Variants in REXO2 observed in about 807,000 individuals in gnomAD.
REXO2 encodes RNA exonuclease 2, also known as oligoribonuclease, mitochondrial.
A neutral mutation model predicts 30.9 loss-of-function variants in REXO2; 17 were observed. The ratio of observed to expected loss-of-function variants is 0.55; its 90% CI spans 0.38 to 0.82. The LOEUF (loss-of-function observed/expected upper bound fraction) is 0.82, where lower values mean the gene tolerates loss of function less well. Among genes scored for constraint, REXO2 ranks in the 40% least tolerant of loss-of-function variants. The probability of loss-of-function intolerance (pLI) is 0.00; values close to 1 mark genes in which losing one functional copy is unlikely to be tolerated. For missense variants in REXO2, 253 were observed against 293.2 expected (o/e 0.86, Z 1.00); for synonymous variants, 105 against 99.6 (o/e 1.05, Z -0.32).
chr11:114,450,027 GT>G lies in REXO2; in HGVS notation c.*61del, dbSNP rs200991055. ...CGTTATCTGGAGGCAACTTCTGGTGGTTTTTTTTTCTCACGCTGATGGCTTG... is the reference window on the plus strand; with the variant it reads ...CGTTATCTGGAGGCAACTTCTGGTGGTTTTTTTTCTCACGCTGATGGCTTG... On this transcript the variant is annotated 3_prime_UTR_variant, in exon 7 of 7. Transcript: ENST00000265881. 23 of 1,509,434 alleles carry G rather than the reference GT, an allele frequency of 1.5e-5. No individual in the cohort carries two copies. The highest frequency in any genetic ancestry group is 1.5e-4 in the East Asian group (6 of 40,628). The allele number at this position is 1,509,434 out of a possible 1,614,324, so 93.5% of individuals were successfully genotyped here.
At chr11:114,444,324 A>G (rs1269828806) in intron 3 of REXO2, 3 of 634,354 alleles carry the variant, frequency 4.7e-6, no homozygotes, top group Non-Finnish European at 5.7e-6. Context: ...GACTGTGGAC[A>G]TGCTATTAAC....
intron 2 of REXO2, chr11:114,441,741 G>A: frequency 1.4e-6 from 1 of 702,276 alleles, no homozygotes. Context: ...GTTTTGCTGT[G>A]TAGGTAAAAG....
chr11:114,449,815 A>G (rs1350265283), intron 6 of REXO2, 31 bp from the exon 7 acceptor site: 2 of 1,585,122 alleles, frequency 1.3e-6, no homozygotes, highest in East Asian at 2.3e-5. Flanking sequence ...GGTTTTGGAC[A>G]GTTCATTCAT....
intron 5 of REXO2, among the ~76,000 whole-genome samples, chr11:114,446,964 A>G (rs1232006354): frequency 9.7e-4 from 106 of 108,762 alleles, no homozygotes; most frequent in Non-Finnish European, 1.3e-3. Flanking sequence ...TTTGAGACGG[A>G]GTCTCGTTCT....
intron 3 of REXO2, chr11:114,444,222 C>G: frequency 1.6e-6 from 1 of 609,424 alleles, no homozygotes; most frequent in South Asian, 1.5e-5. Flanking sequence ...GGTTAGACAT[C>G]AACTTTCAGA....
At chr11:114,444,212 G>A (rs986754004) in intron 3 of REXO2, 33 of 609,708 alleles carry the variant, frequency 5.4e-5, no homozygotes, top group African/African-American at 4.9e-4. Flanking sequence ...TTTTGGATAA[G>A]GTTAGACATC....
At chr11:114,444,430 C>T in intron 3 of REXO2, 111 bp from the exon 4 acceptor site, 1 of 756,176 alleles carries the variant, frequency 1.3e-6, no homozygotes. Flanking sequence ...TAAAAATGGT[C>T]TATTTGTGGT....
At chr11:114,442,470 G>A (rs927740918) in intron 2 of REXO2, among the ~76,000 whole-genome samples, 4 of 151,380 alleles carry the variant, frequency 2.6e-5, no homozygotes, top group African/African-American at 9.7e-5. Context: ...TTGTTTCTTC[G>A]CAGAGATTAC....
At chr11:114,449,555 T>C (rs1946532431) in intron 6 of REXO2, among the ~76,000 whole-genome samples, 1 of 152,162 alleles carries the variant, frequency 6.6e-6, no homozygotes, top group African/African-American at 2.4e-5. Context: ...TCTAAACTTA[T>C]TTGACCGTGG....
rs1946501494 is a variant in REXO2, at chr11:114,444,644, C to T, written c.413C>T (p.Pro138Leu). Residue 138 changes from proline (P) to leucine (L), a missense_variant, in exon 4 of 7, where the codon CCA (proline) becomes CTA (leucine). Coordinates refer to ENST00000265881, the MANE Select transcript of REXO2 (RefSeq NM_015523.4). ...CAGCAGACTCCTCCAGGGCTCTGTCCACTTGCAGGTAAAATCCAATCCTGT... is the reference window on the plus strand; with the variant it reads ...CAGCAGACTCCTCCAGGGCTCTGTCTACTTGCAGGTAAAATCCAATCCTGT... The part of the protein sequence containing the change: ...VRQQTPPGLC[P>L]LAGNSVHEDK... 3.2e-6 allele frequency: 5 copies of T among 1,576,876 alleles called. No individual in the cohort carries two copies. Among genetic ancestry groups the T allele is most frequent in the Non-Finnish European group, 3.4e-6 (4 of 1,164,266 alleles).
rs966077807 is a variant in REXO2, at chr11:114,447,866, G to T, written c.571G>T (p.Ala191Ser). The T allele has an allele frequency of 1.9e-6, 3 of 1,613,758 alleles. No individual in the cohort carries two copies. Among genetic ancestry groups the T allele is most frequent in the Non-Finnish European group, 2.5e-6 (3 of 1,179,874 alleles). ...PEEYEFAPKK[A>S]ASHRALDDIS... The stretch of plus-strand genomic sequence containing the variant: ...AGAATATGAATTTGCACCAAAGAAG[G>T]CTGCTTCTCATAGGTAAGTTTGAGT... The change falls in exon 6 of 7, where the codon GCT becomes TCT. Residue 191 changes from alanine to serine, a missense_variant. By Grantham distance (99) the Ala-to-Ser change is moderately conservative (BLOSUM62 1). Coordinates refer to ENST00000265881, the MANE Select transcript of REXO2 (RefSeq NM_015523.4).
At position 114,439,522 on chromosome 11, in the gene REXO2, C is replaced by G; in HGVS notation, c.-7C>G. On this transcript the variant is annotated 5_prime_UTR_variant, in exon 1 of 7. Transcript: ENST00000265881. ...GAGACTGGGGCCGTGGCTGCTGGTC[C>G]CGGGTGATGCTAGGCGGCTCCCTGG... 1.9e-6 allele frequency: 3 copies of G among 1,604,908 alleles called. No individual in the cohort carries two copies. Among genetic ancestry groups the G allele is most frequent in the East Asian group, 2.2e-5 (1 of 44,770 alleles).
chr11:114,446,926 AAGG>A (rs1215132284), intron 5 of REXO2, among the ~76,000 whole-genome samples: 1 of 149,648 alleles, frequency 6.7e-6, no homozygotes, highest in African/African-American at 2.5e-5. Context: ...GAAAGATAGA[AAGG>A]AGGCTTTTTT....
At chr11:114,446,508 AG>A (rs1565271570) in intron 5 of REXO2, among the ~76,000 whole-genome samples, 1 of 152,224 alleles carries the variant, frequency 6.6e-6, no homozygotes, top group African/African-American at 2.4e-5. Context: ...TGAGGTCACA[AG>A]GGAAGCAGCA....
chr11:114,444,515 G>C (rs998789436), intron 3 of REXO2, 26 bp from the exon 4 acceptor site: 15 of 1,528,164 alleles, frequency 9.8e-6, no homozygotes, highest in African/African-American at 1.4e-5. Context: ...TGTTTTTGGT[G>C]GGGGGCTGGG....
intron 4 of REXO2, among the ~76,000 whole-genome samples, chr11:114,444,901 A>G (rs570889452): frequency 6.6e-6 from 1 of 152,326 alleles, no homozygotes; most frequent in Admixed American, 6.5e-5. Context: ...CCATATTTTT[A>G]TGATGGAAAA....
intron 6 of REXO2, chr11:114,448,848 C>T (rs1946527338): frequency 6.6e-6 from 1 of 152,218 alleles, no homozygotes; most frequent in Non-Finnish European, 1.5e-5. Flanking sequence ...TGTGGGTTTT[C>T]AGGTGTGTTT....
At chr11:114,448,896 T>C (rs1192696852) in intron 6 of REXO2, 1 of 152,268 alleles carries the variant, frequency 6.6e-6, no homozygotes, top group Non-Finnish European at 1.5e-5. Context: ...TGTGTGCCTT[T>C]ATTTAGCCAG....
At chr11:114,448,118 G>A (rs892449299) in intron 6 of REXO2, among the ~76,000 whole-genome samples, 3 of 152,114 alleles carry the variant, frequency 2.0e-5, no homozygotes, top group Non-Finnish European at 4.4e-5. Flanking sequence ...TTGGTTTATA[G>A]GAATGATGAA....
Sources: gnomAD v4.1 joint callset for allele counts (sites outside exome capture counted in the v4.1 genomes callset) on GRCh38, gnomAD v4.1.1 for gene constraint, MANE v1.5 for transcripts, NCBI Gene and HGNC (gene_info 2026-07-23, HGNC 2026-07-21) for gene names.